CNOT6L: variants seen among roughly 807,000 people sequenced by gnomAD.
CNOT6L encodes the protein CCR4-NOT transcription complex subunit 6 like.
A neutral mutation model predicts 64.0 loss-of-function variants in CNOT6L; 7 were observed. The ratio of observed to expected loss-of-function variants is 0.11; its 90% CI spans 0.06 to 0.21. The LOEUF is 0.21. Among genes scored for constraint, CNOT6L ranks in the 10% least tolerant of loss-of-function variants. The pLI is 1.00. For missense variants in CNOT6L, 245 were observed against 669.0 expected, an observed-to-expected ratio of 0.37 and a Z score of 6.99; for synonymous variants, 193 against 243.4, an observed-to-expected ratio of 0.79 and a Z score of 1.93.
At chr4:77,808,970 G>C (rs1163901940) in intron 1 of CNOT6L, among the ~76,000 whole-genome samples, 1 of 152,118 alleles carries the variant, frequency 6.6e-6, no homozygotes, top group Admixed American at 6.5e-5. Flanking sequence ...TTCCTAATAA[G>C]AAACAGTAAT....
chr4:77,800,844 G>C (rs1208380940), intron 1 of CNOT6L, among the ~76,000 whole-genome samples: 1 of 152,110 alleles, frequency 6.6e-6, no homozygotes, highest in Non-Finnish European at 1.5e-5. Context: ...AGGGTTCCAA[G>C]GTACCAACAT....
At position 77,739,980 on chromosome 4, in the gene CNOT6L, CA is replaced by C. The variant is rs1224695765; in HGVS notation, c.872+2160del. Reference sequence around the variant, plus strand: ...CATATTATCTTGAAAGAAACTATAGCAAATAGAAAAAGAGCCTGATGTTAGA... The same window carrying C: ...CATATTATCTTGAAAGAAACTATAGCAATAGAAAAAGAGCCTGATGTTAGA... On this transcript the variant is annotated intron_variant, in intron 8 of 11. Coordinates refer to ENST00000504123, the MANE Select transcript of CNOT6L (RefSeq NM_144571.3). Among the ~76,000 whole-genome samples the C allele has an allele frequency of 4.6e-5, 7 of 151,888 alleles. No homozygotes were observed. In the South Asian group the frequency reaches 1.5e-3, roughly 32 times the overall value.
rs771354026 is a variant in CNOT6L at position 77,819,081 on chromosome 4, AACCTTCGCCCGCCT to A, written c.5+209_5+222del. The A allele has an allele frequency of 7.2e-5, 20 of 279,122 alleles. No individual in the cohort carries two copies. In the African/African-American group the frequency reaches 1.7e-3, roughly 23 times the overall value. The allele number at this position is 279,122 out of a possible 1,614,324, so 17.3% of individuals were successfully genotyped here. On this transcript the variant is annotated intron_variant, in intron 1 of 11. Coordinates refer to ENST00000504123, the MANE Select transcript of CNOT6L (RefSeq NM_144571.3). ...ACACACACACACACACACACCCCGG[AACCTTCGCCCGCCT>A]CTGAAGAGACGCGGGTCAGCCCCGC...
chr4:77,725,065 T>C (rs371129093), intron 11 of CNOT6L, among the ~76,000 whole-genome samples: 1 of 152,218 alleles, frequency 6.6e-6, no homozygotes. Flanking sequence ...CATCACTACA[T>C]ACAAGTGGCT....
chr4:77,772,595 T>C (rs763730763), intron 4 of CNOT6L, among the ~76,000 whole-genome samples: 34 of 152,168 alleles, frequency 2.2e-4, no homozygotes, highest in Admixed American at 9.2e-4. Flanking sequence ...ATGGCACATA[T>C]TGAAATCTTC....
chr4:77,809,075 C>A (rs1399921646), intron 1 of CNOT6L, among the ~76,000 whole-genome samples: 1 of 152,058 alleles, frequency 6.6e-6, no homozygotes, highest in Non-Finnish European at 1.5e-5. Flanking sequence ...TTAATCCTCA[C>A]AAAACTCTAC....
intron 11 of CNOT6L, among the ~76,000 whole-genome samples, chr4:77,721,849 A>C (rs1445806087): frequency 6.6e-6 from 1 of 151,980 alleles, no homozygotes; most frequent in Non-Finnish European, 1.5e-5. Flanking sequence ...GCAGGCACCC[A>C]TAGTCCCAGC....
rs538850498 is a variant in CNOT6L, at chr4:77,742,221, A to G, written c.792T>C (p.Ser264=). Reference sequence around the variant, plus strand: ...ACATGATTTTGGCACGTGACTTTGGAGAAAAAAATCCATCATATCCACGCT... The same window carrying G: ...ACATGATTTTGGCACGTGACTTTGGGGAAAAAAATCCATCATATCCACGCT... ...LKERGYDGFF[S]PKSRAKIMSE... Residue 264 remains serine (S), a synonymous_variant, in exon 8 of 12, where the codon TCT becomes TCC. Coordinates refer to ENST00000504123, the MANE Select transcript of CNOT6L (RefSeq NM_144571.3). 2 of 1,613,392 alleles carry G rather than the reference A, an allele frequency of 1.2e-6. No individual in the cohort carries two copies. Among genetic ancestry groups the G allele is most frequent in the African/African-American group, 2.7e-5 (2 of 75,026 alleles).
At position 77,776,395 on chromosome 4, in the gene CNOT6L, G is replaced by GC. The variant is rs777605162; in HGVS notation, c.6-4_6-3insG. 2.2e-6 allele frequency: 3 copies of GC among 1,357,536 alleles called. No individual in the cohort carries two copies. The highest frequency in any genetic ancestry group is 2.9e-6 in the Non-Finnish European group (3 of 1,037,802). 84.1% of individuals were successfully genotyped at this position (1,357,536 alleles called of 1,614,324 possible). A position where few individuals can be genotyped will look rare whatever the true frequency, so the allele number is the denominator to read the frequency against. The stretch of plus-strand genomic sequence containing the variant: ...TTTCCTTTGGCATCCCTATTAGTCT[G>GC]TTTAAAAAAAAAAAGGAGGAGATCA... On this transcript the variant is annotated splice_region_variant and splice_polypyrimidine_tract_variant and intron_variant, in intron 1 of 11. Transcript: ENST00000504123.
At position 77,747,799 on chromosome 4, in the gene CNOT6L, C is replaced by T. The variant is rs1724376249; in HGVS notation, c.559+517G>A. On this transcript the variant is annotated intron_variant, in intron 6 of 11. Transcript: ENST00000504123. The stretch of plus-strand genomic sequence containing the variant: ...CAAATACTATGTACTACTTCTACAC[C>T]CCTGGGCTGGTATTATACTTTGTTG... Among the ~76,000 whole-genome samples, 2 of 152,074 alleles carry T rather than the reference C, an allele frequency of 1.3e-5. 1 individual carries two copies. The highest frequency in any genetic ancestry group is 4.1e-4 in the South Asian group (2 of 4,832).
chr4:77,736,540 T>TTC (rs10659334), intron 8 of CNOT6L, among the ~76,000 whole-genome samples: 119,822 of 151,940 alleles, frequency 0.79, 48,072 homozygotes, highest in Non-Finnish European at 0.86. Flanking sequence ...TGCATCTACT[T>TTC]TGTTTCACAG....
In CNOT6L at chr4:77,718,467, C is replaced by T. The variant is rs1185202672; in HGVS notation, c.*1964G>A. On this transcript the variant is annotated 3_prime_UTR_variant, in exon 12 of 12. Transcript: ENST00000504123. ...CTGCATGTTGAGGAAAATCTGTCAT[C>T]TTAAGGGTTGTTTCTTTTTGTTTGT... 2.6e-5 allele frequency: 4 copies of T among 152,562 alleles called. No individual in the cohort carries two copies. Among genetic ancestry groups the T allele is most frequent in the Non-Finnish European group, 5.9e-5 (4 of 68,026 alleles). The allele number at this position is 152,562 out of a possible 1,614,324, so 9.5% of individuals were successfully genotyped here. A position where few individuals can be genotyped will look rare whatever the true frequency, so the allele number is the denominator to read the frequency against.
intron 1 of CNOT6L, among the ~76,000 whole-genome samples, chr4:77,805,050 T>C (rs1397875432): frequency 6.6e-6 from 1 of 152,100 alleles, no homozygotes; most frequent in Non-Finnish European, 1.5e-5. Context: ...GAGAAACCCA[T>C]GTATATAGAG....
chr4:77,744,687 G>T (rs2109953214), intron 7 of CNOT6L, 31 bp downstream of exon 7: 1 of 1,570,090 alleles, frequency 6.4e-7, no homozygotes, highest in East Asian at 2.3e-5. Flanking sequence ...CACCTTTTAA[G>T]TTAAAGACAG....
chr4:77,799,122 C>G (rs1731203835), intron 1 of CNOT6L, among the ~76,000 whole-genome samples: 1 of 150,924 alleles, frequency 6.6e-6, no homozygotes, highest in Non-Finnish European at 1.5e-5. Context: ...TTTATAACAG[C>G]CCAAAACTGG....
intron 5 of CNOT6L, among the ~76,000 whole-genome samples, chr4:77,751,794 T>C (rs1222705462): frequency 2.6e-5 from 4 of 152,196 alleles, no homozygotes; most frequent in Admixed American, 2.6e-4. Context: ...CCAGAAAAAC[T>C]ATCCTTCAGA....
intron 1 of CNOT6L, 30 bp downstream of exon 1, chr4:77,819,274 G>A (rs1186485448): frequency 6.2e-7 from 1 of 1,613,378 alleles, no homozygotes; most frequent in Admixed American, 1.7e-5. Context: ...AACACTCTCG[G>A]TCCTACTCGG....
At chr4:77,771,177 C>T (rs1466707679) in intron 4 of CNOT6L, among the ~76,000 whole-genome samples, 1 of 151,978 alleles carries the variant, frequency 6.6e-6, no homozygotes, top group Non-Finnish European at 1.5e-5. Context: ...AAAAATTAGC[C>T]GGACGTGGTG....
chr4:77,786,258 G>A (rs1314797057), intron 1 of CNOT6L, among the ~76,000 whole-genome samples: 1 of 140,750 alleles, frequency 7.1e-6, no homozygotes, highest in Non-Finnish European at 1.5e-5. Flanking sequence ...TCCAGCTGGG[G>A]CAACAGAGTG....
Sources: gnomAD v4.1 joint callset for allele counts (sites outside exome capture counted in the v4.1 genomes callset) on GRCh38, gnomAD v4.1.1 for gene constraint, MANE v1.5 for transcripts, NCBI Gene and HGNC (gene_info 2026-07-23, HGNC 2026-07-21) for gene names.